The following SRCAP variants were observed in gnomAD, a reference collection of about 807,000 sequenced individuals.
The protein encoded by SRCAP is chromatin remodeling protein SRCAP.
In SRCAP, 46 loss-of-function variants were observed where a neutral mutation model predicts 263.1. The observed-to-expected ratio is 0.17, with a 90% CI of 0.14 to 0.22. The LOEUF is 0.22. SRCAP is among the 10% of genes least tolerant of loss of function. The pLI, the probability that SRCAP is intolerant of heterozygous loss-of-function variation, is 1.00. For missense variants in SRCAP, 3,695 were observed against 4,181.9 expected, an observed-to-expected ratio of 0.88 and a Z score of 3.21; for synonymous variants, 1,813 against 1,662.1, an observed-to-expected ratio of 1.09 and a Z score of -2.21.
chr16:30,703,632 C>T (rs1293943274), intron 3 of SRCAP, among the ~76,000 whole-genome samples: 2 of 151,958 alleles, frequency 1.3e-5, no homozygotes, highest in South Asian at 2.1e-4. Flanking sequence ...CGTGGTGGCT[C>T]ACGCCTGTAA....
rs372106146 is a variant in SRCAP, at chr16:30,738,114, G to C, written c.8074G>C (p.Glu2692Gln). 8.6e-5 allele frequency: 138 copies of C among 1,614,036 alleles called. No homozygotes were observed. Among genetic ancestry groups the C allele is most frequent in the Admixed American group, 1.7e-4 (10 of 60,004 alleles). ...TPTSSPEKPQELVTAEVAAPS... is the reference protein window; with the variant it reads ...TPTSSPEKPQQLVTAEVAAPS... The stretch of plus-strand genomic sequence containing the variant: ...AACCTCCAGCCCAGAGAAGCCACAG[G>C]AACTCGTTACAGCTGAGGTTGCAGC... The change falls in exon 34 of 34, where the codon GAA (glutamate) becomes CAA (glutamine). Residue 2692 changes from glutamate (E) to glutamine (Q), a missense_variant. Transcript: ENST00000262518.
At chr16:30,728,179 C>T (rs1279883743) in intron 25 of SRCAP, among the ~76,000 whole-genome samples, 1 of 152,196 alleles carries the variant, frequency 6.6e-6, no homozygotes, top group African/African-American at 2.4e-5. Context: ...GGTCTAGTCT[C>T]CCTCATTTGT....
At chr16:30,709,179 C>G (rs1273416670) in intron 6 of SRCAP, among the ~76,000 whole-genome samples, 1 of 152,014 alleles carries the variant, frequency 6.6e-6, no homozygotes, top group Non-Finnish European at 1.5e-5. Context: ...CCTGTAGTTC[C>G]ACCTACGTGG....
At position 30,738,345 on chromosome 16, in the gene SRCAP, C is replaced by T; in HGVS notation, c.8305C>T (p.Gln2769Ter). 1 of 1,571,568 alleles carries T rather than the reference C, an allele frequency of 6.4e-7. No homozygotes were observed. The highest frequency in any genetic ancestry group is 8.6e-7 in the Non-Finnish European group (1 of 1,158,768). ...EEKELVRRRR[Q>*]QRGAASTLVP... ...AAAGGAACTGGTGCGGCGGCGGCGG[C>T]AGCAGCGGGGAGCTGCCAGCACCCT... Residue 2769 changes from glutamine (Q) to a stop codon, truncating the protein, a stop_gained, in exon 34 of 34, where the codon CAG (glutamine) becomes TAG (stop). Coordinates refer to ENST00000262518, the MANE Select transcript of SRCAP (RefSeq NM_006662.3). LOFTEE classifies it high-confidence loss of function.
chr16:30,705,881 T>A (rs1048527390), intron 4 of SRCAP, among the ~76,000 whole-genome samples: 2 of 152,050 alleles, frequency 1.3e-5, no homozygotes, highest in African/African-American at 4.8e-5. Context: ...ATTTTTTGTG[T>A]TTTTAGTAGA....
Position 30,739,181 on chromosome 16 carries a change from A to G in SRCAP, c.9141A>G (p.Gln3047=). 1 of 1,613,924 alleles carries G rather than the reference A, an allele frequency of 6.2e-7. No individual in the cohort carries two copies. The highest frequency in any genetic ancestry group is 1.1e-5 in the South Asian group (1 of 91,086). ...GGAGGCGACGGCAACCCCAGGGCCA[A>G]GGGGAGAGTGAGGGTAGTTCCTCTG... ...GLGRRRQPQG[Q]GESEGSSSDE... Residue 3047 remains glutamine (Q), a synonymous_variant, in exon 34 of 34, where the codon CAA becomes CAG. Transcript: ENST00000262518.
rs890262782 is a variant in SRCAP at position 30,704,334 on chromosome 16, T to C, written c.306+19T>C. 3.2e-6 allele frequency: 5 copies of C among 1,563,314 alleles called. No individual in the cohort carries two copies. The highest frequency in any genetic ancestry group is 3.5e-6 in the Non-Finnish European group (4 of 1,151,146). Reference sequence around the variant, plus strand: ...CAAGCATGTACGTATTAGAAAGGCTTATGAAGATTCTTGGGAGTTATCTTC... The same window carrying C: ...CAAGCATGTACGTATTAGAAAGGCTCATGAAGATTCTTGGGAGTTATCTTC... On this transcript the variant is annotated intron_variant, in intron 4 of 33. Coordinates refer to ENST00000262518, the MANE Select transcript of SRCAP (RefSeq NM_006662.3).
At position 30,729,537 on chromosome 16, in the gene SRCAP, A is replaced by C; in HGVS notation, c.6092A>C (p.Gln2031Pro). The C allele has an allele frequency of 6.2e-7, 1 of 1,614,182 alleles. No individual in the cohort carries two copies. The highest frequency in any genetic ancestry group is 8.5e-7 in the Non-Finnish European group (1 of 1,180,036). Residue 2031 changes from glutamine (Q) to proline (P), a missense_variant, in exon 27 of 34, where the codon CAG becomes CCG. Physicochemically the swap from Gln to Pro is moderately conservative, Grantham distance 76. Around this residue, in one of 12 missense-constraint regions of SRCAP, gnomAD observed 138 missense variants for 254.9 expected, o/e 0.54. Transcript: ENST00000262518. ...LHRIVCNMRTQFPDLRLIQYD... is the reference protein window; with the variant it reads ...LHRIVCNMRTPFPDLRLIQYD... ...CGTATTGTGTGTAACATGCGCACCC[A>C]GTTCCCTGACTTAAGACTCATCCAG...
At position 30,722,142 on chromosome 16, in the gene SRCAP, G is replaced by C. The variant is rs760861425; in HGVS notation, c.3562G>C (p.Gly1188Arg). The change falls in exon 22 of 34, where the codon GGG becomes CGG. Residue 1188 changes from glycine to arginine, a missense_variant. Coordinates refer to ENST00000262518, the MANE Select transcript of SRCAP (RefSeq NM_006662.3). ...RLPSGEVVSI[G>R]QLASLAQRPV... is the part of the protein sequence containing the mutation. ...TTTAGCAGGCGAAGTGGTCAGCATCGGGCAGTTAGCCTCACTGGCACAACG... is the reference window on the plus strand; with the variant it reads ...TTTAGCAGGCGAAGTGGTCAGCATCCGGCAGTTAGCCTCACTGGCACAACG... 1 of 1,614,008 alleles carries C rather than the reference G, an allele frequency of 6.2e-7. No homozygotes were observed. The highest frequency in any genetic ancestry group is 8.5e-7 in the Non-Finnish European group (1 of 1,179,962).
intron 31 of SRCAP, among the ~76,000 whole-genome samples, chr16:30,735,170 G>A (rs1567252582): frequency 8.2e-6 from 1 of 121,674 alleles, no homozygotes; most frequent in Non-Finnish European, 1.6e-5. Context: ...TTTTTGAGAC[G>A]GAGTCTCGCT....
rs2052946966 is a variant in SRCAP at position 30,716,196 on chromosome 16, A to G, written c.2624A>G (p.Gln875Arg). ...TGTCTCTATGATGACTTCATGGCACAGACCACGTAAGGGAGGAAGGAGGGT... is the reference window on the plus strand; with the variant it reads ...TGTCTCTATGATGACTTCATGGCACGGACCACGTAAGGGAGGAAGGAGGGT... ...QRCLYDDFMA[Q>R]TTTKETLATG... The change falls in exon 17 of 34, where the codon CAG becomes CGG. Residue 875 changes from glutamine to arginine, a missense_variant. Physicochemically the swap from Gln to Arg is conservative, Grantham distance 43. Transcript: ENST00000262518. The G allele has an allele frequency of 6.2e-7, 1 of 1,614,072 alleles. No homozygotes were observed.
Position 30,701,666 on chromosome 16 carries a change from T to TTGTG in SRCAP, c.54+789_54+790insGTGT, listed in dbSNP as rs113715277. Among the ~76,000 whole-genome samples the TTGTG allele has an allele frequency of 1.4e-5, 2 of 147,998 alleles. 1 individual carries two copies. Among genetic ancestry groups the TTGTG allele is most frequent in the African/African-American group, 5.1e-5 (2 of 39,554 alleles). On this transcript the variant is annotated intron_variant, in intron 3 of 33. Coordinates refer to ENST00000262518, the MANE Select transcript of SRCAP (RefSeq NM_006662.3). ...TTTTTTTTTTTGAAATGGAGTGTCT[T>TTGTG]TCAGCCAGGCTGGAATGCAATGGCG...
In SRCAP at chr16:30,738,367, C is replaced by A. The variant is rs1382380473; in HGVS notation, c.8327C>A (p.Thr2776Asn). ...RRRQQRGAAS[T>N]LVPGVSETSA... Reference sequence around the variant, plus strand: ...CGGCAGCAGCGGGGAGCTGCCAGCACCCTAGTGCCTGGGGTCTCTGAGACT... The same window carrying A: ...CGGCAGCAGCGGGGAGCTGCCAGCAACCTAGTGCCTGGGGTCTCTGAGACT... Residue 2776 changes from threonine (T) to asparagine (N), a missense_variant, in exon 34 of 34, where the codon ACC becomes AAC. Thr to Asn is a moderately conservative substitution (Grantham distance 65). Transcript: ENST00000262518. The A allele has an allele frequency of 4.5e-6, 7 of 1,563,210 alleles. No homozygotes were observed. The highest frequency in any genetic ancestry group is 3.6e-5 in the South Asian group (3 of 82,518).
chr16:30,737,352 A>G lies in SRCAP; in HGVS notation c.7312A>G (p.Arg2438Gly). Residue 2438 changes from arginine to glycine, a missense_variant, in exon 34 of 34, where the codon AGG becomes GGG. Arg to Gly is a moderately radical substitution (Grantham distance 125). Around this residue, in one of 12 missense-constraint regions of SRCAP, gnomAD observed 1,207 missense variants for 1,142.9 expected, o/e 1.06. Transcript: ENST00000262518. The part of the protein sequence containing the change: ...RCSPARERVP[R>G]PAPRPRPTPA... ...CAGTCCTGCCAGGGAGCGAGTTCCC[A>G]GGCCAGCACCTAGGCCTCGACCCAC... 6.2e-7 allele frequency: 1 copy of G among 1,614,048 alleles called. No individual in the cohort carries two copies. The highest frequency in any genetic ancestry group is 8.5e-7 in the Non-Finnish European group (1 of 1,179,998).
chr16:30,706,602 C>A (rs1179892363), intron 4 of SRCAP, among the ~76,000 whole-genome samples: 1 of 152,158 alleles, frequency 6.6e-6, no homozygotes, highest in South Asian at 2.1e-4. Flanking sequence ...AAACATTTCA[C>A]GTATAACGTT....
rs777419077 is a variant in SRCAP at position 30,720,302 on chromosome 16, G to T, written c.2958G>T (p.Arg986=). ...CTACTGCTCCTGACCCCCCACCCCG[G>T]CCCAAGCCAGTCAAGATGAAGGTCA... ...EVATAPDPPP[R]PKPVKMKVNR... The change falls in exon 19 of 34, where the codon CGG becomes CGT. Residue 986 remains arginine, a synonymous_variant. Transcript: ENST00000262518. The T allele has an allele frequency of 3.1e-6, 5 of 1,613,906 alleles. No homozygotes were observed. The Admixed American group carries it at 6.7e-5, about 22-fold the overall frequency.
chr16:30,739,501 G>A lies in SRCAP; in HGVS notation c.9461G>A (p.Arg3154Gln), dbSNP rs1382214950. Residue 3154 changes from arginine to glutamine, a missense_variant, in exon 34 of 34, where the codon CGG (arginine) becomes CAG (glutamine). Arg to Gln is a conservative substitution (Grantham distance 43, BLOSUM62 1). This residue lies in a region of SRCAP where 1,207 missense variants were observed against 1,142.9 expected (regional missense o/e 1.06). Transcript: ENST00000262518. ...GGTGGGAGTCCTGGGCTGGCAAAGC[G>A]GGGCCGCCTACAGCCCCCAAGTCCC... ...PVGGSPGLAKRGRLQPPSPLG... is the reference protein window; with the variant it reads ...PVGGSPGLAKQGRLQPPSPLG... 3.7e-6 allele frequency: 6 copies of A among 1,613,488 alleles called. No individual in the cohort carries two copies. Among genetic ancestry groups the A allele is most frequent in the Middle Eastern group, 1.7e-4 (1 of 6,056 alleles).
At position 30,723,240 on chromosome 16, in the gene SRCAP, G is replaced by C; in HGVS notation, c.4159+11G>C. On this transcript the variant is annotated intron_variant, in intron 24 of 33. Transcript: ENST00000262518. Reference sequence around the variant, plus strand: ...CACCTGAAGTCAGTGGTGAGTCCAGGTGGCTGAGGCCAGAAATCCTTGCCA... The same window carrying C: ...CACCTGAAGTCAGTGGTGAGTCCAGCTGGCTGAGGCCAGAAATCCTTGCCA... The C allele has an allele frequency of 6.3e-7, 1 of 1,588,088 alleles. No individual in the cohort carries two copies. Among genetic ancestry groups the C allele is most frequent in the East Asian group, 2.3e-5 (1 of 44,358 alleles).
In SRCAP at chr16:30,737,386, C is replaced by T; in HGVS notation, c.7346C>T (p.Ser2449Leu). 1 of 1,612,714 alleles carries T rather than the reference C, an allele frequency of 6.2e-7. No individual in the cohort carries two copies. The highest frequency in any genetic ancestry group is 8.5e-7 in the Non-Finnish European group (1 of 1,179,468). Reference protein sequence around the residue: ...PAPRPRPTPASAPAAIPALVP... With the variant: ...PAPRPRPTPALAPAAIPALVP... Reference sequence around the variant, plus strand: ...CCTAGGCCTCGACCCACTCCAGCTTCAGCTCCGGCTGCAATTCCTGCCCTT... The same window carrying T: ...CCTAGGCCTCGACCCACTCCAGCTTTAGCTCCGGCTGCAATTCCTGCCCTT... The change falls in exon 34 of 34, where the codon TCA becomes TTA. Residue 2449 changes from serine (S) to leucine (L), a missense_variant. Around this residue, in one of 12 missense-constraint regions of SRCAP, gnomAD observed 1,207 missense variants for 1,142.9 expected, o/e 1.06. Coordinates refer to ENST00000262518, the MANE Select transcript of SRCAP (RefSeq NM_006662.3).
Sources: allele counts gnomAD v4.1 joint callset (sites outside exome capture counted in the v4.1 genomes callset), GRCh38; gene constraint gnomAD v4.1.1; regional missense constraint gnomAD v4.1.1; transcripts MANE v1.5; gene names NCBI Gene and HGNC (gene_info 2026-07-23, HGNC 2026-07-21).